The following DGKI variants were observed in gnomAD, a reference collection of about 807,000 sequenced individuals.
DGKI encodes DAG kinase iota.
In DGKI, 55 loss-of-function variants were observed where a neutral mutation model predicts 147.5. The observed-to-expected ratio is 0.37, with a 90% confidence interval of 0.30 to 0.47. The LOEUF (loss-of-function observed/expected upper bound fraction) is 0.47. DGKI is among the 20% of genes least tolerant of loss of function. The pLI, the probability that DGKI is intolerant of heterozygous loss-of-function variation, is 1.00. For synonymous variants in DGKI, 469 were observed against 477.1 expected, an observed-to-expected ratio of 0.98 and a Z score of 0.22; for missense variants, 1,007 against 1,323.8, an observed-to-expected ratio of 0.76 and a Z score of 3.71.
At position 137,814,760 on chromosome 7, in the gene DGKI, A is replaced by G. The variant is rs185405386; in HGVS notation, c.401+31702T>C. Among the ~76,000 whole-genome samples, 28 of 152,358 alleles carry G rather than the reference A, an allele frequency of 1.8e-4. 1 individual carries two copies. In the East Asian group the frequency reaches 3.7e-3, roughly 20 times the overall value. ...ATTAAATGTTATAAGCACCCCCGCTAGAGAACAAGTATAGAAAGGAATATG... is the reference window on the plus strand; with the variant it reads ...ATTAAATGTTATAAGCACCCCCGCTGGAGAACAAGTATAGAAAGGAATATG... On this transcript the variant is annotated intron_variant, in intron 1 of 32. Coordinates refer to ENST00000614521, the MANE Select transcript of DGKI (RefSeq NM_001321708.2).
chr7:137,493,637 A>C (rs915742003), intron 21 of DGKI: 6 of 667,668 alleles, frequency 9.0e-6, no homozygotes, highest in Middle Eastern at 3.9e-4. Flanking sequence ...ACACCCAACA[A>C]CACCAAAGAA....
At chr7:137,577,776 A>G (rs1313810125) in intron 16 of DGKI, among the ~76,000 whole-genome samples, 1 of 152,104 alleles carries the variant, frequency 6.6e-6, no homozygotes, top group African/African-American at 2.4e-5. Context: ...ATTTACTACT[A>G]TGAACGTGCC....
intron 1 of DGKI, among the ~76,000 whole-genome samples, chr7:137,691,415 C>A (rs1249094520): frequency 6.6e-6 from 1 of 152,190 alleles, no homozygotes; most frequent in African/African-American, 2.4e-5. Context: ...GATCCTCAGA[C>A]TTCTCAACCC....
chr7:137,696,626 A>G (rs1002483838), intron 1 of DGKI, among the ~76,000 whole-genome samples: 2 of 151,752 alleles, frequency 1.3e-5, no homozygotes, highest in Non-Finnish European at 2.9e-5. Flanking sequence ...TCATTTTAAA[A>G]CATGGTAAGA....
chr7:137,561,098 C>G (rs1175802400), intron 19 of DGKI, among the ~76,000 whole-genome samples: 1 of 151,646 alleles, frequency 6.6e-6, no homozygotes, highest in African/African-American at 2.4e-5. Context: ...GAAAGGAAAC[C>G]AGTATATTGA....
At chr7:137,802,465 C>T (rs993344196) in intron 1 of DGKI, among the ~76,000 whole-genome samples, 9 of 152,192 alleles carry the variant, frequency 5.9e-5, no homozygotes, top group Non-Finnish European at 1.2e-4. Context: ...TGCTGACTTT[C>T]TTTGTTACAG....
chr7:137,531,062 CTT>C (rs1363101835), intron 20 of DGKI, among the ~76,000 whole-genome samples: 1 of 152,162 alleles, frequency 6.6e-6, no homozygotes, highest in African/African-American at 2.4e-5. Context: ...CACATACACT[CTT>C]TGTACATTCT....
intron 14 of DGKI, 57 bp from the exon 15 acceptor site, chr7:137,581,985 G>A: frequency 7.0e-7 from 1 of 1,423,052 alleles, no homozygotes; most frequent in Non-Finnish European, 9.9e-7. Context: ...AGAAAGAGAA[G>A]AATAAAACCT....
intron 1 of DGKI, among the ~76,000 whole-genome samples, chr7:137,792,401 T>A (rs775408416): frequency 2.6e-4 from 39 of 152,294 alleles, no homozygotes; most frequent in Middle Eastern, 3.4e-3. Flanking sequence ...TTCCCCTTCA[T>A]CCATTCATTA....
Position 137,603,398 on chromosome 7 carries a change from T to C in DGKI, c.1168-3493A>G, listed in dbSNP as rs371300731. On this transcript the variant is annotated intron_variant, in intron 10 of 32. Transcript: ENST00000614521. ...ATAGAAAGAACAACTGCCCAGACAA[T>C]AAGAAAGGCCTGAGAAAAATACATT... Among the ~76,000 whole-genome samples the C allele has an allele frequency of 6.6e-5, 10 of 152,236 alleles. No individual in the cohort carries two copies. In the East Asian group the frequency reaches 1.2e-3, roughly 18 times the overall value.
intron 20 of DGKI, among the ~76,000 whole-genome samples, chr7:137,530,475 A>G (rs926453641): frequency 6.6e-6 from 1 of 152,206 alleles, no homozygotes; most frequent in East Asian, 1.9e-4. Context: ...ATCACACTGC[A>G]CACTGTTTAA....
At chr7:137,508,708 A>G (rs1379632631) in intron 21 of DGKI, among the ~76,000 whole-genome samples, 2 of 152,114 alleles carry the variant, frequency 1.3e-5, no homozygotes, top group Admixed American at 6.5e-5. Flanking sequence ...TCATTTTTTG[A>G]AATGTAAACA....
intron 29 of DGKI, among the ~76,000 whole-genome samples, chr7:137,409,759 A>T (rs1252227176): frequency 6.6e-6 from 1 of 152,182 alleles, no homozygotes; most frequent in Non-Finnish European, 1.5e-5. Context: ...TCTAGACACC[A>T]TGAACATTCA....
chr7:137,483,383 C>T (rs1403254964), intron 23 of DGKI, among the ~76,000 whole-genome samples: 1 of 152,100 alleles, frequency 6.6e-6, no homozygotes, highest in African/African-American at 2.4e-5. Flanking sequence ...AGTCTTATAA[C>T]TACTACTGCC....
At chr7:137,706,676 G>T (rs933885773) in intron 1 of DGKI, among the ~76,000 whole-genome samples, 1 of 151,526 alleles carries the variant, frequency 6.6e-6, no homozygotes, top group Non-Finnish European at 1.5e-5. Flanking sequence ...GGGTTCAAGC[G>T]ATTCTTCTGC....
intron 26 of DGKI, among the ~76,000 whole-genome samples, chr7:137,464,158 G>C (rs1814560075): frequency 6.6e-6 from 1 of 150,790 alleles, no homozygotes; most frequent in African/African-American, 2.4e-5. Context: ...CCATGAGGCT[G>C]AGGCAGGACA....
rs141655054 is a variant in DGKI, at chr7:137,548,631, G to A, written c.2147+3738C>T. 1.0e-3 allele frequency among the ~76,000 whole-genome samples: 153 copies of A among 152,270 alleles called. 1 individual carries two copies. The Middle Eastern group carries it at 0.02, about 20-fold the overall frequency. ...CAGATGCTGGTCCTATGCTTGTACA[G>A]GCTACAGAACTGTGAGCCAAATAAA... On this transcript the variant is annotated intron_variant, in intron 20 of 32. Transcript: ENST00000614521.
At chr7:137,439,408 G>T (rs577830090) in intron 28 of DGKI, among the ~76,000 whole-genome samples, 1 of 152,234 alleles carries the variant, frequency 6.6e-6, no homozygotes, top group South Asian at 2.1e-4. Context: ...CAATCATGGC[G>T]GAAGACGAAG....
chr7:137,410,123 T>C (rs1812107157), intron 29 of DGKI, among the ~76,000 whole-genome samples: 1 of 152,094 alleles, frequency 6.6e-6, no homozygotes, highest in Non-Finnish European at 1.5e-5. Flanking sequence ...AAGGTGTTAT[T>C]GGCCAGGTGC....
Sources: allele counts gnomAD v4.1 joint callset (sites outside exome capture counted in the v4.1 genomes callset), GRCh38; gene constraint gnomAD v4.1.1; transcripts MANE v1.5; gene names NCBI Gene and HGNC (gene_info 2026-07-23, HGNC 2026-07-21).